The following NKAIN2 variants were observed in gnomAD, a reference collection of about 807,000 sequenced individuals.
The protein encoded by NKAIN2 is sodium/potassium transporting ATPase interacting 2.
NKAIN2 carries 14 observed loss-of-function variants against 32.6 expected under a neutral mutation model. The ratio of observed to expected loss-of-function variants is 0.43; its 90% CI spans 0.28 to 0.67. NKAIN2 has a LOEUF of 0.67. Among genes scored for constraint, NKAIN2 ranks in the 30% least tolerant of loss-of-function variants. The pLI is 0.17. For synonymous variants in NKAIN2, 80 were observed against 87.2 expected, an observed-to-expected ratio of 0.92 and a Z score of 0.46; for missense variants, 198 against 258.3, an observed-to-expected ratio of 0.77 and a Z score of 1.60.
intron 1 of NKAIN2, among the ~76,000 whole-genome samples, chr6:124,037,532 T>A (rs963187427): frequency 3.3e-5 from 5 of 152,118 alleles, no homozygotes; most frequent in Admixed American, 2.0e-4. Context: ...TGTCTCATTT[T>A]AAAAAAATTC....
chr6:123,959,383 G>A (rs977924329), intron 1 of NKAIN2, among the ~76,000 whole-genome samples: 3 of 152,150 alleles, frequency 2.0e-5, no homozygotes, highest in African/African-American at 7.2e-5. Context: ...GGCCTACTCT[G>A]CCAGGAGTCC....
chr6:124,056,905 C>CACTTCTCCTTTCTCTGGAAACTGTT (rs1782680003), intron 1 of NKAIN2, among the ~76,000 whole-genome samples: 1 of 151,956 alleles, frequency 6.6e-6, no homozygotes, highest in Admixed American at 6.6e-5. Flanking sequence ...CTGGAGCTGT[C>CACTTCTCCTTTCTCTGGAAACTGTT]ACTTCTCCTT....
intron 3 of NKAIN2, among the ~76,000 whole-genome samples, chr6:124,627,264 G>GACACA (rs1251150364): frequency 6.6e-6 from 1 of 151,436 alleles, no homozygotes; most frequent in Non-Finnish European, 1.5e-5. Flanking sequence ...AGCAAGACAC[G>GACACA]GTCTCAAAAA....
chr6:124,043,555 A>G (rs529357289), intron 1 of NKAIN2, among the ~76,000 whole-genome samples: 34 of 152,204 alleles, frequency 2.2e-4, no homozygotes, highest in African/African-American at 7.5e-4. Context: ...AAGGTGTCCT[A>G]TAGCATTTTG....
chr6:124,612,242 A>AG (rs746393889), intron 3 of NKAIN2, among the ~76,000 whole-genome samples: 7 of 151,834 alleles, frequency 4.6e-5, no homozygotes, highest in African/African-American at 7.3e-5. Context: ...GAAAACTGCT[A>AG]GGGGGAAAAA....
chr6:124,803,016 G>T (rs888706212), intron 5 of NKAIN2, among the ~76,000 whole-genome samples: 1 of 152,134 alleles, frequency 6.6e-6, no homozygotes, highest in Non-Finnish European at 1.5e-5. Context: ...CTGGGTGGTT[G>T]CTCATTGCTG....
At chr6:123,873,547 T>C (rs1773016027) in intron 1 of NKAIN2, among the ~76,000 whole-genome samples, 1 of 152,176 alleles carries the variant, frequency 6.6e-6, no homozygotes, top group South Asian at 2.1e-4. Context: ...GAAGTGTGTA[T>C]GCAAAATGCA....
rs559769509 is a variant in NKAIN2 at position 124,255,422 on chromosome 6, A to G, written c.55-27583A>G. ...CAGTGTCTACCTGGGGGTGTGAGGG[A>G]AGCAAAGTAGTTGTCTACCTCCTCA... On this transcript the variant is annotated intron_variant, in intron 1 of 6. Transcript: ENST00000368417. 7.2e-5 allele frequency among the ~76,000 whole-genome samples: 11 copies of G among 152,284 alleles called. No individual in the cohort carries two copies. In the East Asian group the frequency reaches 1.4e-3, roughly 19 times the overall value.
intron 1 of NKAIN2, among the ~76,000 whole-genome samples, chr6:124,193,503 G>T (rs1048639562): frequency 6.6e-6 from 1 of 152,158 alleles, no homozygotes; most frequent in East Asian, 1.9e-4. Flanking sequence ...ACCAGGAACC[G>T]CAGAGCCCTA....
At chr6:124,608,607 C>G (rs1360711650) in intron 3 of NKAIN2, among the ~76,000 whole-genome samples, 1 of 152,136 alleles carries the variant, frequency 6.6e-6, no homozygotes, top group Non-Finnish European at 1.5e-5. Context: ...AAATCTCTAT[C>G]TTGTCAAATC....
At chr6:124,320,276 C>G (rs1191480084) in intron 2 of NKAIN2, among the ~76,000 whole-genome samples, 1 of 152,168 alleles carries the variant, frequency 6.6e-6, no homozygotes, top group African/African-American at 2.4e-5. Context: ...TGGCATCCAT[C>G]TCTAATGTTG....
chr6:124,640,120 A>T (rs956968274), intron 3 of NKAIN2, among the ~76,000 whole-genome samples: 2 of 152,038 alleles, frequency 1.3e-5, no homozygotes, highest in Non-Finnish European at 2.9e-5. Flanking sequence ...TAGAAGCAAA[A>T]CTAATTTCTG....
At chr6:124,602,034 A>T (rs1388536820) in intron 3 of NKAIN2, among the ~76,000 whole-genome samples, 2 of 152,068 alleles carry the variant, frequency 1.3e-5, no homozygotes, top group Non-Finnish European at 2.9e-5. Context: ...GCATCACAGG[A>T]CATATCTGAA....
At chr6:123,884,388 A>G (rs914304155) in intron 1 of NKAIN2, among the ~76,000 whole-genome samples, 2 of 152,182 alleles carry the variant, frequency 1.3e-5, no homozygotes, top group African/African-American at 4.8e-5. Context: ...ACACACACAC[A>G]TTTTTGTTCC....
intron 3 of NKAIN2, among the ~76,000 whole-genome samples, chr6:124,540,217 GAATTA>G (rs1779860679): frequency 6.6e-6 from 1 of 152,152 alleles, no homozygotes; most frequent in African/African-American, 2.4e-5. Flanking sequence ...AAAGTTTTAT[GAATTA>G]AATTTCAAAC....
At chr6:124,243,456 C>T (rs6940617) in intron 1 of NKAIN2, among the ~76,000 whole-genome samples, 13,094 of 151,236 alleles carry the variant, frequency 0.087, 1,216 homozygotes, top group African/African-American at 0.23. Context: ...GATCATGCCA[C>T]GGTACTCCAG....
chr6:124,332,591 A>G (rs1332095308), intron 2 of NKAIN2, among the ~76,000 whole-genome samples: 2 of 151,944 alleles, frequency 1.3e-5, no homozygotes, highest in Non-Finnish European at 2.9e-5. Context: ...TTTTCTCATG[A>G]TATATTCGTT....
chr6:124,049,879 T>A (rs1439985740), intron 1 of NKAIN2, among the ~76,000 whole-genome samples: 1 of 152,054 alleles, frequency 6.6e-6, no homozygotes, highest in Non-Finnish European at 1.5e-5. Flanking sequence ...AGAGTAGTGA[T>A]ACCAGCAGTT....
At chr6:124,417,617 G>C (rs1255443649) in intron 3 of NKAIN2, among the ~76,000 whole-genome samples, 1 of 152,078 alleles carries the variant, frequency 6.6e-6, no homozygotes, top group East Asian at 1.9e-4. Context: ...TACCATAATT[G>C]AGATTAAAAA....
Sources: allele counts gnomAD v4.1 joint callset (sites outside exome capture counted in the v4.1 genomes callset), GRCh38; gene constraint gnomAD v4.1.1; transcripts MANE v1.5; gene names NCBI Gene and HGNC (gene_info 2026-07-23, HGNC 2026-07-21).